Variants in DOK4 observed in about 807,000 individuals in gnomAD.
DOK4 encodes the protein downstream of tyrosine kinase 4.
DOK4 carries 26 observed loss-of-function variants against 40.1 expected under a neutral mutation model. The observed-to-expected ratio is 0.65, with a 90% CI of 0.48 to 0.90. DOK4 has a LOEUF of 0.90. DOK4 is among the 40% of genes least tolerant of loss of function. The pLI is 0.00. For synonymous variants in DOK4, 179 were observed against 177.0 expected, an observed-to-expected ratio of 1.01 and a Z score of -0.09; for missense variants, 392 against 437.2, an observed-to-expected ratio of 0.90 and a Z score of 0.92.
In DOK4 at chr16:57,479,143, T is replaced by A. The variant is rs1286470652; in HGVS notation, c.66+299A>T. Reference sequence around the variant, plus strand: ...CCCTGCTGCTGCTGTGGTGACAACTTCAACAATAGCAGGGGAGCCGCCTGC... The same window carrying A: ...CCCTGCTGCTGCTGTGGTGACAACTACAACAATAGCAGGGGAGCCGCCTGC... On this transcript the variant is annotated intron_variant, in intron 2 of 8. Coordinates refer to ENST00000340099, the Ensembl canonical transcript of DOK4. The surrounding 1 kb of genome is among the most constrained non-coding windows in gnomAD (Gnocchi z 5.8). Among the ~76,000 whole-genome samples, 2 of 152,094 alleles carry A rather than the reference T, an allele frequency of 1.3e-5. No homozygotes were observed. Among genetic ancestry groups the A allele is most frequent in the African/African-American group, 4.8e-5 (2 of 41,426 alleles).
Position 57,479,617 on chromosome 16 carries a change from G to A in DOK4, c.-110C>T. 2 of 1,213,066 alleles carry A rather than the reference G, an allele frequency of 1.6e-6. No individual in the cohort carries two copies. The highest frequency in any genetic ancestry group is 2.4e-5 in the East Asian group (1 of 42,052). 75.1% of individuals were successfully genotyped at this position (1,213,066 alleles called of 1,614,324 possible). On this transcript the variant is annotated 5_prime_UTR_variant, in exon 2 of 9. Transcript: ENST00000340099. The surrounding 1 kb of genome is among the most constrained non-coding windows in gnomAD (Gnocchi z 5.8). ...CACCTGTTCCAGACACTCTGTCGGG[G>A]CTGCCGCGAGGGGCTGCTCCTCACC... is the stretch of plus-strand genomic sequence containing the variant.
At chr16:57,481,737 C>T (rs1005605414) in intron 1 of DOK4, 1 of 152,238 alleles carries the variant, frequency 6.6e-6, no homozygotes, top group Admixed American at 6.5e-5. Context: ...GGGCAAGCCG[C>T]TTAAGACCCT....
At chr16:57,482,214 T>C (rs1024361974) in intron 1 of DOK4, among the ~76,000 whole-genome samples, 24 of 152,194 alleles carry the variant, frequency 1.6e-4, no homozygotes, top group African/African-American at 5.8e-4. Context: ...CAGGCTGGAG[T>C]GCAGGGGTGC....
Position 57,485,832 on chromosome 16 carries a change from A to G in DOK4, c.-182+473T>C, listed in dbSNP as rs1454869823. On this transcript the variant is annotated intron_variant, in intron 1 of 8. Coordinates refer to ENST00000340099, the Ensembl canonical transcript of DOK4. The surrounding 1 kb of genome is among the most constrained non-coding windows in gnomAD (Gnocchi z 4.3). Reference sequence around the variant, plus strand: ...AGTTTGGGCTGTGGGGAGAAACCCCATAGGCAGGAGGGGGTCGGCAGTGGG... The same window carrying G: ...AGTTTGGGCTGTGGGGAGAAACCCCGTAGGCAGGAGGGGGTCGGCAGTGGG... Among the ~76,000 whole-genome samples the G allele has an allele frequency of 6.6e-6, 1 of 152,212 alleles. No individual in the cohort carries two copies. Among genetic ancestry groups the G allele is most frequent in the Non-Finnish European group, 1.5e-5 (1 of 68,030 alleles).
chr16:57,480,310 C>T (rs1348070533), intron 1 of DOK4: 1 of 152,406 alleles, frequency 6.6e-6, no homozygotes, highest in East Asian at 1.9e-4. Flanking sequence ...TCTCTCCAGC[C>T]CCAGGCTAAG....
exon 1 of DOK4, chr16:57,486,469 C>T (rs1370021335): frequency 2.6e-5 from 4 of 152,058 alleles, no homozygotes; most frequent in South Asian, 1.8e-4. Context: ...GATCGGGCTC[C>T]GGCTGGGGCT....
chr16:57,475,660 ATC>A (rs745508207), intron 3 of DOK4, 40 bp from the exon 4 acceptor site: 9,706 of 472,514 alleles, frequency 0.021, 20 homozygotes, highest in African/African-American at 0.041. Context: ...AGGCCAGTGC[ATC>A]TCTCTCTCTC....
rs1446960713 is a variant in DOK4, at chr16:57,485,158, G to A, written c.-182+1147C>T. Among the ~76,000 whole-genome samples the A allele has an allele frequency of 6.6e-6, 1 of 152,248 alleles. No individual in the cohort carries two copies. Among genetic ancestry groups the A allele is most frequent in the Non-Finnish European group, 1.5e-5 (1 of 68,038 alleles). On this transcript the variant is annotated intron_variant, in intron 1 of 8. Transcript: ENST00000340099. The surrounding 1 kb of genome is among the most constrained non-coding windows in gnomAD (Gnocchi z 4.3). ...CAGCGCTGACTGGCATGGCCAGCAG[G>A]CTGTTGTTACTGGAGAACCAGCTGT...
chr16:57,479,344 GCAGCCGCGTGCCC>G lies in DOK4; in HGVS notation c.66+85_66+97del. On this transcript the variant is annotated intron_variant, in intron 2 of 8. Coordinates refer to ENST00000340099, the Ensembl canonical transcript of DOK4. The surrounding 1 kb of genome is among the most constrained non-coding windows in gnomAD (Gnocchi z 5.8). ...ATGCACGATGCCCGGCAGCCGGAGGGCAGCCGCGTGCCCCACGCGCCATGCCTCCAAGCCTGGG... is the reference window on the plus strand; with the variant it reads ...ATGCACGATGCCCGGCAGCCGGAGGGCACGCGCCATGCCTCCAAGCCTGGG... 2 of 1,357,832 alleles carry G rather than the reference GCAGCCGCGTGCCC, an allele frequency of 1.5e-6. No homozygotes were observed. The highest frequency in any genetic ancestry group is 2.0e-6 in the Non-Finnish European group (2 of 976,342). The allele number at this position is 1,357,832 out of a possible 1,614,324, so 84.1% of individuals were successfully genotyped here. A position where few individuals can be genotyped will look rare whatever the true frequency, so the allele number is the denominator to read the frequency against.
In DOK4 at chr16:57,474,051, GCACAGAGGGCAAGATGGTGGGGACCCAC is replaced by G. The variant is rs760635331; in HGVS notation, c.600-40_600-13del. On this transcript the variant is annotated splice_polypyrimidine_tract_variant and intron_variant, in intron 6 of 8. Transcript: ENST00000340099. ...CAGCATCACACATCCTGGGGACACA[GCACAGAGGGCAAGATGGTGGGGACCCAC>G]CACAGACATGCATGTGATTAGTTAG... 4 of 1,613,744 alleles carry G rather than the reference GCACAGAGGGCAAGATGGTGGGGACCCAC, an allele frequency of 2.5e-6. No homozygotes were observed. Among genetic ancestry groups the G allele is most frequent in the South Asian group, 1.1e-5 (1 of 91,064 alleles).
exon 5 of DOK4, chr16:57,475,107 T>G: frequency 6.2e-7 from 1 of 1,607,952 alleles, no homozygotes; most frequent in South Asian, 1.1e-5. Context: ...CACCTGTCTG[T>G]TCACACTGCA....
intron 2 of DOK4, 21 bp from the exon 3 acceptor site, chr16:57,475,978 G>A: frequency 6.3e-7 from 1 of 1,598,096 alleles, no homozygotes; most frequent in Non-Finnish European, 8.5e-7. Flanking sequence ...AGATGACAGG[G>A]CTCAGGCCTC....
chr16:57,486,515 G>A (rs1444518983), upstream of DOK4: 4 of 151,698 alleles, frequency 2.6e-5, no homozygotes, highest in East Asian at 6.0e-4. Flanking sequence ...CCCTCCGCCA[G>A]GTCTCGCCGC....
At chr16:57,480,535 G>T (rs925493744) in intron 1 of DOK4, 1 of 152,606 alleles carries the variant, frequency 6.6e-6, no homozygotes, top group Non-Finnish European at 1.5e-5. Flanking sequence ...CAGTCCGTGA[G>T]GGTGGGGCCC....
upstream of DOK4, chr16:57,486,973 T>G (rs2031558649): frequency 6.5e-6 from 1 of 152,744 alleles, no homozygotes; most frequent in Non-Finnish European, 1.5e-5. Flanking sequence ...CTGTCTTCCC[T>G]GGTCTCCTCT....
In DOK4 at chr16:57,473,596, G is replaced by T; in HGVS notation, c.862+17C>A. On this transcript the variant is annotated intron_variant, in intron 8 of 8. Transcript: ENST00000340099. ...AAGCCTCCTGGCAGGTGGGTGTGGG[G>T]CATGGAAGCGACTCACCAGCATAGC... 6.2e-7 allele frequency: 1 copy of T among 1,614,256 alleles called. No individual in the cohort carries two copies. The highest frequency in any genetic ancestry group is 1.6e-4 in the Middle Eastern group (1 of 6,062).
rs528594613 is a variant in DOK4 at position 57,483,627 on chromosome 16, C to T, written c.-182+2678G>A. 2.0e-5 allele frequency among the ~76,000 whole-genome samples: 3 copies of T among 152,108 alleles called. No individual in the cohort carries two copies. The South Asian group carries it at 6.2e-4, about 32-fold the overall frequency. Reference sequence around the variant, plus strand: ...CCTGGGTGATAGAGTGAGACTGTTTCTAAAAAATTTCAAAAAAATCAATTA... The same window carrying T: ...CCTGGGTGATAGAGTGAGACTGTTTTTAAAAAATTTCAAAAAAATCAATTA... On this transcript the variant is annotated intron_variant, in intron 1 of 8. Coordinates refer to ENST00000340099, the Ensembl canonical transcript of DOK4.
At chr16:57,474,918 C>T (rs756980110) in exon 6 of DOK4, 2 of 1,614,068 alleles carry the variant, frequency 1.2e-6, no homozygotes, top group Admixed American at 3.3e-5. Flanking sequence ...CGTGGGTGAT[C>T]TGCAGCTTGC....
intron 6 of DOK4, 112 bp downstream of exon 6, chr16:57,474,681 G>T: frequency 7.5e-7 from 1 of 1,326,208 alleles, no homozygotes; most frequent in Non-Finnish European, 1.0e-6. Context: ...TCCCCCTTGG[G>T]ATTGCTAGGC....
Sources: gnomAD v4.1 joint callset for allele counts (sites outside exome capture counted in the v4.1 genomes callset) on GRCh38, gnomAD v4.1.1 for gene constraint, Gnocchi (gnomAD v3.1) non-coding constraint, MANE v1.5 for transcripts, NCBI Gene and HGNC (gene_info 2026-07-23, HGNC 2026-07-21) for gene names.